Variants in SPIDR observed in about 807,000 individuals in gnomAD.
SPIDR encodes scaffold protein involved in DNA repair, also known as DNA repair-scaffolding protein.
SPIDR carries 93 observed loss-of-function variants against 104.6 expected under a neutral mutation model. That is an observed-to-expected ratio of 0.89 (90% CI 0.75 to 1.06). The LOEUF is 1.06. Ranked by LOEUF, SPIDR falls within the 50% of genes least tolerant of loss-of-function variation. The pLI is 0.00. For synonymous variants in SPIDR, 431 were observed against 416.9 expected, an observed-to-expected ratio of 1.03 and a Z score of -0.41; for missense variants, 1,154 against 1,111.2, an observed-to-expected ratio of 1.04 and a Z score of -0.55.
chr8:47,502,028 A>C (rs892955162), intron 8 of SPIDR, among the ~76,000 whole-genome samples: 1 of 152,096 alleles, frequency 6.6e-6, no homozygotes, highest in East Asian at 1.9e-4. Context: ...TTTTGATGTG[A>C]TGCTGGATTC....
intron 3 of SPIDR, among the ~76,000 whole-genome samples, chr8:47,286,915 C>T (rs1182558311): frequency 6.6e-6 from 1 of 152,096 alleles, no homozygotes; most frequent in Non-Finnish European, 1.5e-5. Context: ...AAAACATGTA[C>T]TTTGGTTTTA....
intron 7 of SPIDR, 73 bp downstream of exon 7, chr8:47,408,034 A>C (rs967787956): frequency 1.3e-6 from 1 of 776,616 alleles, no homozygotes; most frequent in Non-Finnish European, 2.0e-6. Flanking sequence ...ACATTAAAAT[A>C]TATGAAGTTA....
intron 1 of SPIDR, 129 bp downstream of exon 1, chr8:47,261,120 G>T: frequency 4.6e-6 from 5 of 1,077,124 alleles, no homozygotes; most frequent in Non-Finnish European, 4.7e-6. Context: ...GGGCTAGGTG[G>T]TGGCGGGTCC....
chr8:47,701,485 G>A (rs1472694983), intron 12 of SPIDR, among the ~76,000 whole-genome samples: 1 of 152,150 alleles, frequency 6.6e-6, no homozygotes, highest in Non-Finnish European at 1.5e-5. Flanking sequence ...GATATTTTCA[G>A]TATACCCCGA....
At position 47,391,334 on chromosome 8, in the gene SPIDR, T is replaced by A. The variant is rs1051981762; in HGVS notation, c.526-5042T>A. Among the ~76,000 whole-genome samples, 49 of 151,516 alleles carry A rather than the reference T, an allele frequency of 3.2e-4. 1 individual carries two copies. The highest frequency in any genetic ancestry group is 1.2e-3 in the African/African-American group (49 of 41,200). On this transcript the variant is annotated intron_variant, in intron 5 of 19. Transcript: ENST00000297423. Reference sequence around the variant, plus strand: ...GGGAGGATGGCTTGAGCTCAGGAATTTGAGACCATCCTGGGCAACAAAGTG... The same window carrying A: ...GGGAGGATGGCTTGAGCTCAGGAATATGAGACCATCCTGGGCAACAAAGTG...
At chr8:47,632,204 A>G (rs2067172876) in intron 10 of SPIDR, among the ~76,000 whole-genome samples, 1 of 152,174 alleles carries the variant, frequency 6.6e-6, no homozygotes, top group African/African-American at 2.4e-5. Flanking sequence ...ACTGTGGTTC[A>G]CCCTACTGAG....
intron 7 of SPIDR, among the ~76,000 whole-genome samples, chr8:47,417,940 G>A (rs2064666244): frequency 6.6e-6 from 1 of 152,136 alleles, no homozygotes; most frequent in Non-Finnish European, 1.5e-5. Flanking sequence ...TTGTAGATAT[G>A]TGGCATTATT....
In SPIDR at chr8:47,588,420, G is replaced by C. The variant is rs997956423; in HGVS notation, c.1098-7391G>C. ...ATATGTAGAAATACACCTAATTTTT[G>C]TGTGTGTTGGTTTCTTCAACCTTGC... On this transcript the variant is annotated intron_variant, in intron 8 of 19. Transcript: ENST00000297423. Among the ~76,000 whole-genome samples, 28 of 150,432 alleles carry C rather than the reference G, an allele frequency of 1.9e-4. 1 individual carries two copies. Among genetic ancestry groups the C allele is most frequent in the South Asian group, 1.5e-3 (7 of 4,758 alleles).
At chr8:47,501,719 G>A (rs1259379921) in intron 8 of SPIDR, among the ~76,000 whole-genome samples, 1 of 152,156 alleles carries the variant, frequency 6.6e-6, no homozygotes, top group African/African-American at 2.4e-5. Flanking sequence ...CCTGTCTTGT[G>A]CGAGTTTTCA....
At chr8:47,551,898 A>G (rs967696436) in intron 8 of SPIDR, among the ~76,000 whole-genome samples, 9 of 152,016 alleles carry the variant, frequency 5.9e-5, no homozygotes, top group African/African-American at 1.4e-4. Context: ...GCTTTCTTTT[A>G]TGGGCATTTA....
chr8:47,679,853 T>C (rs900883518), intron 11 of SPIDR, among the ~76,000 whole-genome samples: 4 of 152,258 alleles, frequency 2.6e-5, no homozygotes, highest in African/African-American at 9.6e-5. Context: ...TTTACCGTTA[T>C]ATTTTCTGTA....
chr8:47,729,405 G>T lies in SPIDR; in HGVS notation c.2551-7G>T. 6.3e-7 allele frequency: 1 copy of T among 1,587,544 alleles called. No individual in the cohort carries two copies. The highest frequency in any genetic ancestry group is 8.6e-7 in the Non-Finnish European group (1 of 1,166,974). The stretch of plus-strand genomic sequence containing the variant: ...AGTTTAACCCAGCCCTGCTTCTGCT[G>T]TTGCAGCTGTTGCAGCGCAGCATTT... On this transcript the variant is annotated splice_polypyrimidine_tract_variant and splice_region_variant and intron_variant, in intron 18 of 19. Transcript: ENST00000297423.
chr8:47,434,526 A>G (rs2067931826), intron 7 of SPIDR, among the ~76,000 whole-genome samples: 2 of 152,228 alleles, frequency 1.3e-5, no homozygotes, highest in African/African-American at 2.4e-5. Context: ...CCAAATTACC[A>G]TGGGGTCAGT....
At chr8:47,575,520 G>A (rs1017731650) in intron 8 of SPIDR, among the ~76,000 whole-genome samples, 4 of 151,134 alleles carry the variant, frequency 2.6e-5, no homozygotes, top group African/African-American at 7.3e-5. Context: ...GGTAGTGGGC[G>A]CCTGTAGTCC....
intron 8 of SPIDR, among the ~76,000 whole-genome samples, chr8:47,460,225 A>C (rs2073720127): frequency 6.6e-6 from 1 of 152,172 alleles, no homozygotes; most frequent in South Asian, 2.1e-4. Context: ...TAGTCCTATC[A>C]GTGGAGTGTT....
chr8:47,483,677 T>C (rs1465704074), intron 8 of SPIDR, among the ~76,000 whole-genome samples: 3 of 152,244 alleles, frequency 2.0e-5, no homozygotes, highest in African/African-American at 7.2e-5. Context: ...TAATGTATGC[T>C]CTTTTTTCTA....
chr8:47,304,841 T>C (rs1342669279), intron 5 of SPIDR, among the ~76,000 whole-genome samples: 1 of 152,214 alleles, frequency 6.6e-6, no homozygotes, highest in Non-Finnish European at 1.5e-5. Context: ...GTTCCTGTAT[T>C]AGGATTAGGC....
rs144090263 is a variant in SPIDR, at chr8:47,355,018, C to T, written c.526-41358C>T. 9.8e-3 allele frequency among the ~76,000 whole-genome samples: 1,493 copies of T among 151,970 alleles called. 30 individuals are homozygous for T. The highest frequency in any genetic ancestry group is 0.082 in the East Asian group (424 of 5,152). On this transcript the variant is annotated intron_variant, in intron 5 of 19. Coordinates refer to ENST00000297423, the MANE Select transcript of SPIDR (RefSeq NM_001080394.4). ...TCACCCAGGCTGGAGTGCAGTGAAG[C>T]GATCTCGGCTCACTGCAACCTCTGC...
intron 10 of SPIDR, among the ~76,000 whole-genome samples, chr8:47,629,207 G>A (rs887508020): frequency 6.6e-6 from 1 of 152,154 alleles, no homozygotes; most frequent in Non-Finnish European, 1.5e-5. Flanking sequence ...TGGTAGTAGG[G>A]ACACAATTGT....
Sources: gnomAD v4.1 joint callset for allele counts (sites outside exome capture counted in the v4.1 genomes callset) on GRCh38, gnomAD v4.1.1 for gene constraint, MANE v1.5 for transcripts, NCBI Gene and HGNC (gene_info 2026-07-23, HGNC 2026-07-21) for gene names.